Variants in NOL4L observed in about 807,000 individuals in gnomAD.
NOL4L encodes the protein nucleolar protein 4-like.
NOL4L carries 7 observed loss-of-function variants against 64.5 expected under a neutral mutation model. That is an observed-to-expected ratio of 0.11 (90% CI 0.06 to 0.20). The LOEUF is 0.20. NOL4L is among the 10% of genes least tolerant of loss of function. NOL4L has a pLI of 1.00. For synonymous variants in NOL4L, 413 were observed against 401.0 expected, an observed-to-expected ratio of 1.03 and a Z score of -0.36; for missense variants, 680 against 967.1, an observed-to-expected ratio of 0.70 and a Z score of 3.94.
chr20:32,510,081 A>G (rs1327693858), intron 4 of NOL4L: 4 of 601,124 alleles, frequency 6.7e-6, no homozygotes, highest in South Asian at 1.6e-5. Flanking sequence ...AGCTCAAACT[A>G]CTTTGCCTTT....
chr20:32,500,063 A>G (rs199716490), intron 4 of NOL4L, among the ~76,000 whole-genome samples: 1 of 151,966 alleles, frequency 6.6e-6, no homozygotes, highest in East Asian at 1.9e-4. Context: ...TCTGTATCTC[A>G]GAATACGTCA....
In NOL4L at chr20:32,485,058, C is replaced by CAAAAAAAAAAAAAAAAAAAAAAAAAAAAA. The variant is rs57444583; in HGVS notation, c.700-10345_700-10317dup. Among the ~76,000 whole-genome samples the CAAAAAAAAAAAAAAAAAAAAAAAAAAAAA allele has an allele frequency of 1.5e-3, 27 of 17,808 alleles. 1 individual carries two copies. The highest frequency in any genetic ancestry group is 2.7e-3 in the East Asian group (1 of 374). 11.7% of individuals were successfully genotyped at this position (17,808 alleles called of 152,430 possible). On this transcript the variant is annotated intron_variant, in intron 4 of 10. Coordinates refer to ENST00000621426, the MANE Select transcript of NOL4L (RefSeq NM_001256798.2). ...TCGTGGAATTCTGTGGGGAAATTGCCAAAAAAAAAAAAAAAAAAAAAAAAA... is the reference window on the plus strand; with the variant it reads ...TCGTGGAATTCTGTGGGGAAATTGCCAAAAAAAAAAAAAAAAAAAAAAAAAAAAAAAAAAAAAAAAAAAAAAAAAAAAAA...
At chr20:32,567,023 G>C (rs775242544) in intron 1 of NOL4L, among the ~76,000 whole-genome samples, 4 of 152,204 alleles carry the variant, frequency 2.6e-5, no homozygotes, top group Non-Finnish European at 4.4e-5. Flanking sequence ...GAAGTGAAGG[G>C]GCAGCATTTG....
At chr20:32,457,314 G>T (rs1321175688) in intron 5 of NOL4L, among the ~76,000 whole-genome samples, 2 of 152,210 alleles carry the variant, frequency 1.3e-5, no homozygotes, top group Non-Finnish European at 2.9e-5. Context: ...GAACTCCCGG[G>T]GTCACTGTCA....
chr20:32,528,738 C>G (rs750630320), intron 1 of NOL4L, among the ~76,000 whole-genome samples: 1 of 152,204 alleles, frequency 6.6e-6, no homozygotes, highest in Admixed American at 6.5e-5. Flanking sequence ...CGGAAGGGAA[C>G]GGACTGCTGG....
intron 5 of NOL4L, among the ~76,000 whole-genome samples, chr20:32,457,577 A>G (rs983868126): frequency 2.0e-5 from 3 of 151,632 alleles, no homozygotes; most frequent in Admixed American, 6.6e-5. Context: ...GCCCCAACCA[A>G]TTGCTGGCCT....
At chr20:32,584,076 G>A (rs1295717309) in intron 1 of NOL4L, among the ~76,000 whole-genome samples, 1 of 136,366 alleles carries the variant, frequency 7.3e-6, no homozygotes, top group African/African-American at 2.7e-5. Flanking sequence ...TCCCCGTCCC[G>A]CGGCTGCCCC....
intron 1 of NOL4L, among the ~76,000 whole-genome samples, chr20:32,543,057 A>AG (rs1442603060): frequency 3.3e-5 from 5 of 152,214 alleles, no homozygotes; most frequent in Non-Finnish European, 7.4e-5. Flanking sequence ...GATCATTACC[A>AG]TGTCGAGTGT....
chr20:32,500,546 T>C (rs1600767837), intron 4 of NOL4L, among the ~76,000 whole-genome samples: 1 of 150,506 alleles, frequency 6.6e-6, no homozygotes, highest in South Asian at 2.1e-4. Context: ...TTCTTTTTTT[T>C]TTTTTTTTTT....
chr20:32,499,861 CAT>C (rs2016849027), intron 4 of NOL4L, among the ~76,000 whole-genome samples: 1 of 144,150 alleles, frequency 6.9e-6, no homozygotes, highest in Non-Finnish European at 1.5e-5. Flanking sequence ...GATATTAAAA[CAT>C]ATGATAAAGT....
chr20:32,494,957 G>A (rs956628350), intron 4 of NOL4L, among the ~76,000 whole-genome samples: 34 of 147,946 alleles, frequency 2.3e-4, no homozygotes, highest in African/African-American at 7.8e-4. Flanking sequence ...GCTCCTGTCC[G>A]CGGGTGGACT....
chr20:32,578,320 C>G (rs186093496), intron 1 of NOL4L, among the ~76,000 whole-genome samples: 15 of 152,250 alleles, frequency 9.9e-5, no homozygotes, highest in African/African-American at 3.6e-4. Context: ...AGCCACTGGC[C>G]CTGGTGGGTG....
rs1248456651 is a variant in NOL4L, at chr20:32,445,990, G to C, written c.*1606C>G. On this transcript the variant is annotated 3_prime_UTR_variant, in exon 11 of 11. Coordinates refer to ENST00000621426, the MANE Select transcript of NOL4L (RefSeq NM_001256798.2). Reference sequence around the variant, plus strand: ...GAAGGGGTGCCTGTTCTGGGAGCGAGTGGCTCTCCGTGGCCATCCTAGGAT... The same window carrying C: ...GAAGGGGTGCCTGTTCTGGGAGCGACTGGCTCTCCGTGGCCATCCTAGGAT... The C allele has an allele frequency of 4.6e-5, 7 of 152,228 alleles. No individual in the cohort carries two copies. In the East Asian group the frequency reaches 1.3e-3, roughly 29 times the overall value. The allele number at this position is 152,228 out of a possible 1,614,324, so 9.4% of individuals were successfully genotyped here.
chr20:32,572,134 T>C (rs2145621079), intron 1 of NOL4L, among the ~76,000 whole-genome samples: 1 of 152,334 alleles, frequency 6.6e-6, no homozygotes, highest in African/African-American at 2.4e-5. Context: ...TTTAAGGAGC[T>C]GAGGACACAA....
chr20:32,579,343 T>C (rs1980326760), intron 1 of NOL4L, among the ~76,000 whole-genome samples: 1 of 152,022 alleles, frequency 6.6e-6, no homozygotes, highest in African/African-American at 2.4e-5. Flanking sequence ...CACACACACA[T>C]GCACGCACAT....
At chr20:32,577,412 G>C (rs2145625084) in intron 1 of NOL4L, among the ~76,000 whole-genome samples, 1 of 152,330 alleles carries the variant, frequency 6.6e-6, no homozygotes, top group Admixed American at 6.5e-5. Context: ...TCAGAGGCAG[G>C]GAGATCACTG....
chr20:32,445,767 T>G lies in NOL4L; in HGVS notation c.*1829A>C, dbSNP rs536767467. The G allele has an allele frequency of 7.2e-5, 11 of 152,334 alleles. No homozygotes were observed. The East Asian group carries it at 1.2e-3, about 16-fold the overall frequency. The allele number at this position is 152,334 out of a possible 1,614,324, so 9.4% of individuals were successfully genotyped here. A position where few individuals can be genotyped will look rare whatever the true frequency, so the allele number is the denominator to read the frequency against. ...GGGGTATTGGAGGCCACTTGAGAGA[T>G]AACGACCACCCCCAACCTCTAGGGG... On this transcript the variant is annotated 3_prime_UTR_variant, in exon 11 of 11. Transcript: ENST00000621426.
Position 32,556,274 on chromosome 20 carries a change from T to TGG in NOL4L, c.321+28294_321+28295dup, listed in dbSNP as rs58089481. On this transcript the variant is annotated intron_variant, in intron 1 of 10. Transcript: ENST00000621426. Reference sequence around the variant, plus strand: ...TCTTCTTCAGCAAATATTTCCTTTGTGGGGGGGGGGGGTTTCCCTGGAGCC... The same window carrying TGG: ...TCTTCTTCAGCAAATATTTCCTTTGTGGGGGGGGGGGGGGTTTCCCTGGAGCC... 1.4e-3 allele frequency among the ~76,000 whole-genome samples: 205 copies of TGG among 144,234 alleles called. 1 individual carries two copies. The highest frequency in any genetic ancestry group is 1.5e-3 in the Non-Finnish European group (97 of 64,552). 94.6% of individuals were successfully genotyped at this position (144,234 alleles called of 152,430 possible). A position where few individuals can be genotyped will look rare whatever the true frequency, so the allele number is the denominator to read the frequency against.
At chr20:32,548,090 A>T (rs1393580903) in intron 1 of NOL4L, among the ~76,000 whole-genome samples, 1 of 152,228 alleles carries the variant, frequency 6.6e-6, no homozygotes, top group African/African-American at 2.4e-5. Flanking sequence ...AACACTCCTG[A>T]TGTACCAGTA....
Sources: gnomAD v4.1 joint callset for allele counts (sites outside exome capture counted in the v4.1 genomes callset) on GRCh38, gnomAD v4.1.1 for gene constraint, MANE v1.5 for transcripts, NCBI Gene and HGNC (gene_info 2026-07-23, HGNC 2026-07-21) for gene names.